SNTG1: variants seen among roughly 807,000 people sequenced by gnomAD.
SNTG1 encodes the protein gamma-1-syntrophin.
Under a neutral mutation model 74.7 loss-of-function variants are expected in SNTG1, and 39 were observed. That is an observed-to-expected ratio of 0.52 (90% confidence interval 0.40 to 0.68). The LOEUF (loss-of-function observed/expected upper bound fraction) is 0.68, where lower values mean the gene tolerates loss of function less well. SNTG1 is among the 30% of genes least tolerant of loss of function. SNTG1 has a pLI of 0.00. For synonymous variants in SNTG1, 254 were observed against 217.1 expected (o/e 1.17, Z -1.49); for missense variants, 685 against 609.5 (o/e 1.12, Z -1.30).
intron 9 of SNTG1, among the ~76,000 whole-genome samples, chr8:50,508,022 C>T (rs1379868121): frequency 6.6e-6 from 1 of 151,928 alleles, no homozygotes; most frequent in African/African-American, 2.4e-5. Flanking sequence ...CCCCCATTAA[C>T]TCATCATTTA....
At chr8:49,956,926 T>A (rs1479865816) in intron 1 of SNTG1, among the ~76,000 whole-genome samples, 1 of 152,142 alleles carries the variant, frequency 6.6e-6, no homozygotes, top group Non-Finnish European at 1.5e-5. Context: ...AAATACTGCA[T>A]GTTATTGTTT....
chr8:50,678,594 T>C (rs1405348874), intron 15 of SNTG1, among the ~76,000 whole-genome samples: 2 of 150,644 alleles, frequency 1.3e-5, no homozygotes, highest in Non-Finnish European at 2.9e-5. Flanking sequence ...ATTTCATTTT[T>C]ATTTGTTTTT....
chr8:50,079,089 G>A (rs1321683651), intron 1 of SNTG1, among the ~76,000 whole-genome samples: 1 of 152,148 alleles, frequency 6.6e-6, no homozygotes, highest in East Asian at 1.9e-4. Flanking sequence ...TGGGATTGGT[G>A]GGTCTAATAG....
chr8:50,184,143 C>T (rs1211005671), intron 2 of SNTG1, among the ~76,000 whole-genome samples: 1 of 152,068 alleles, frequency 6.6e-6, no homozygotes. Flanking sequence ...CATTAGAATA[C>T]AAATATGGTT....
At chr8:50,264,184 G>A (rs1474012757) in intron 2 of SNTG1, among the ~76,000 whole-genome samples, 1 of 152,036 alleles carries the variant, frequency 6.6e-6, no homozygotes, top group Non-Finnish European at 1.5e-5. Flanking sequence ...AGATAATGTA[G>A]CGTTTACAAA....
intron 10 of SNTG1, among the ~76,000 whole-genome samples, chr8:50,533,507 T>C (rs1258324338): frequency 6.6e-6 from 1 of 152,220 alleles, no homozygotes; most frequent in Non-Finnish European, 1.5e-5. Context: ...ATAGTCATGG[T>C]TCTCAAAAGC....
intron 11 of SNTG1, among the ~76,000 whole-genome samples, chr8:50,541,729 A>G (rs1224791306): frequency 6.6e-6 from 1 of 151,996 alleles, no homozygotes; most frequent in Non-Finnish European, 1.5e-5. Flanking sequence ...AACTACAGTC[A>G]CCTTACTAAG....
chr8:50,629,574 T>C (rs1001821059), intron 13 of SNTG1, among the ~76,000 whole-genome samples: 2 of 152,030 alleles, frequency 1.3e-5, no homozygotes, highest in African/African-American at 4.8e-5. Context: ...ATGCTTCTCA[T>C]GTCTGGAGGT....
chr8:50,445,915 T>G (rs2093402460), intron 5 of SNTG1, among the ~76,000 whole-genome samples: 1 of 152,184 alleles, frequency 6.6e-6, no homozygotes, highest in Non-Finnish European at 1.5e-5. Context: ...AAGTGTATTA[T>G]TTCAAGTAAG....
chr8:50,657,296 TGAC>T (rs1563703292), intron 14 of SNTG1, among the ~76,000 whole-genome samples: 1 of 152,070 alleles, frequency 6.6e-6, no homozygotes, highest in Non-Finnish European at 1.5e-5. Context: ...ACAAATCTCA[TGAC>T]GACATGGGAA....
intron 2 of SNTG1, among the ~76,000 whole-genome samples, chr8:50,371,772 C>G (rs1239086018): frequency 6.6e-6 from 1 of 152,106 alleles, no homozygotes; most frequent in Non-Finnish European, 1.5e-5. Context: ...TGAATTGACC[C>G]TTTTATCGTT....
chr8:49,992,507 A>G (rs1813786860), intron 1 of SNTG1, among the ~76,000 whole-genome samples: 1 of 152,192 alleles, frequency 6.6e-6, no homozygotes. Flanking sequence ...TATTAGAGAC[A>G]CTTCATAGTT....
intron 17 of SNTG1, among the ~76,000 whole-genome samples, chr8:50,731,292 T>A (rs2095512344): frequency 6.6e-6 from 1 of 152,030 alleles, no homozygotes; most frequent in Admixed American, 6.6e-5. Flanking sequence ...GTCTTTAGAA[T>A]CCCCTTGATC....
intron 1 of SNTG1, chr8:50,011,761 C>T (rs1207435524): frequency 6.6e-6 from 1 of 152,082 alleles, no homozygotes; most frequent in African/African-American, 2.4e-5. Flanking sequence ...TTAAACCATC[C>T]TTTATTTCTC....
intron 2 of SNTG1, among the ~76,000 whole-genome samples, chr8:50,181,043 C>T (rs774309031): frequency 4.9e-4 from 75 of 152,114 alleles, no homozygotes; most frequent in Non-Finnish European, 9.1e-4. Flanking sequence ...GGATTACAGG[C>T]GTGAGCCACT....
At chr8:50,641,908 A>C (rs1173107148) in intron 13 of SNTG1, among the ~76,000 whole-genome samples, 1 of 152,176 alleles carries the variant, frequency 6.6e-6, no homozygotes, top group Non-Finnish European at 1.5e-5. Context: ...CAAGACTTTA[A>C]ATATCAGTCT....
chr8:50,547,618 C>T (rs2094397448), intron 11 of SNTG1, among the ~76,000 whole-genome samples: 3 of 151,638 alleles, frequency 2.0e-5, no homozygotes, highest in South Asian at 4.2e-4. Flanking sequence ...TTTAATTTTG[C>T]CATAGCCAGA....
At position 50,298,888 on chromosome 8, in the gene SNTG1, T is replaced by G. The variant is rs547389228; in HGVS notation, c.-27-95324T>G. ...GACACTTTATTCTTTGGTTGGTATT[T>G]CATATTCCTTCAAAATTGATCTTGT... On this transcript the variant is annotated intron_variant, in intron 2 of 18. Coordinates refer to ENST00000642720, the MANE Select transcript of SNTG1 (RefSeq NM_018967.5). Among the ~76,000 whole-genome samples the G allele has an allele frequency of 5.3e-5, 8 of 152,290 alleles. No homozygotes were observed. The East Asian group carries it at 1.4e-3, about 26-fold the overall frequency.
At chr8:50,167,837 A>G (rs1215549159) in intron 1 of SNTG1, among the ~76,000 whole-genome samples, 1 of 151,618 alleles carries the variant, frequency 6.6e-6, no homozygotes, top group Non-Finnish European at 1.5e-5. Flanking sequence ...AAGGTAAAGA[A>G]AAAAAGAAAG....
Sources: gnomAD v4.1 joint callset for allele counts (sites outside exome capture counted in the v4.1 genomes callset) on GRCh38, gnomAD v4.1.1 for gene constraint, MANE v1.5 for transcripts, NCBI Gene and HGNC (gene_info 2026-07-23, HGNC 2026-07-21) for gene names.